FER: variants seen among roughly 807,000 people sequenced by gnomAD.
FER encodes tyrosine-protein kinase Fer.
Under a neutral mutation model 111.0 loss-of-function variants are expected in FER, and 63 were observed. The ratio of observed to expected loss-of-function variants is 0.57; its 90% CI spans 0.46 to 0.70. FER has a LOEUF of 0.70. Ranked by LOEUF, FER falls within the 30% of genes least tolerant of loss-of-function variation. The probability of loss-of-function intolerance (pLI) is 0.00; values close to 1 mark genes in which losing one functional copy is unlikely to be tolerated. For missense variants in FER, 914 were observed against 954.0 expected (o/e 0.96, Z 0.55); for synonymous variants, 327 against 313.9 (o/e 1.04, Z -0.44).
At chr5:109,022,144 A>G (rs983620974) in intron 13 of FER, among the ~76,000 whole-genome samples, 3 of 152,034 alleles carry the variant, frequency 2.0e-5, no homozygotes, top group Non-Finnish European at 4.4e-5. Context: ...CATGCTTTCT[A>G]CCTCAGAGTC....
chr5:109,057,733 T>C (rs1159300349), intron 16 of FER, among the ~76,000 whole-genome samples: 1 of 152,216 alleles, frequency 6.6e-6, no homozygotes, highest in African/African-American at 2.4e-5. Flanking sequence ...ATTTCTCATT[T>C]AAATAACCAT....
intron 3 of FER, among the ~76,000 whole-genome samples, chr5:108,804,910 A>G (rs1757036548): frequency 6.6e-6 from 1 of 150,646 alleles, no homozygotes; most frequent in South Asian, 2.1e-4. Context: ...GTTTCTGTAG[A>G]ATTGGTACTA....
At chr5:108,814,199 C>G (rs933537720) in intron 3 of FER, among the ~76,000 whole-genome samples, 1 of 152,030 alleles carries the variant, frequency 6.6e-6, no homozygotes, top group Admixed American at 6.6e-5. Flanking sequence ...ATCTAGAATA[C>G]GAACATGAGA....
rs575363673 is a variant in FER, at chr5:109,125,944, A to C, written c.2048+25425A>C. 2.6e-5 allele frequency among the ~76,000 whole-genome samples: 4 copies of C among 152,254 alleles called. No individual in the cohort carries two copies. In the East Asian group the frequency reaches 7.7e-4, roughly 29 times the overall value. On this transcript the variant is annotated intron_variant, in intron 17 of 19. Transcript: ENST00000281092. The stretch of plus-strand genomic sequence containing the variant: ...AGAAAGAATGAAACGGTGAAGGCTA[A>C]AACTGCTACATCCACAGATGGCTGA...
chr5:108,822,017 CT>C (rs373451775), intron 3 of FER, among the ~76,000 whole-genome samples: 4 of 152,262 alleles, frequency 2.6e-5, no homozygotes, highest in African/African-American at 7.2e-5. Flanking sequence ...TTCTTCACCC[CT>C]ATCCCCTGGC....
intron 1 of FER, among the ~76,000 whole-genome samples, chr5:108,754,310 G>A (rs79980741): frequency 0.068 from 10,229 of 151,154 alleles, 426 homozygotes; most frequent in South Asian, 0.087. Context: ...AGGTGGCTAA[G>A]GCAGGAGGAT....
At chr5:109,060,287 A>C (rs1774220582) in intron 16 of FER, among the ~76,000 whole-genome samples, 1 of 152,192 alleles carries the variant, frequency 6.6e-6, no homozygotes, top group Non-Finnish European at 1.5e-5. Flanking sequence ...ACTAAGCTTC[A>C]ATATACTTCT....
At chr5:109,135,049 A>G (rs1752745695) in intron 17 of FER, among the ~76,000 whole-genome samples, 1 of 152,216 alleles carries the variant, frequency 6.6e-6, no homozygotes, top group East Asian at 1.9e-4. Context: ...TGACCCAGGT[A>G]AAGAAAGATA....
At chr5:109,009,141 G>A (rs555877562) in intron 13 of FER, among the ~76,000 whole-genome samples, 6 of 140,678 alleles carry the variant, frequency 4.3e-5, no homozygotes, top group South Asian at 4.7e-4. Flanking sequence ...GCCGCCTCCC[G>A]GGTTTAAGCT....
chr5:108,748,118 G>A (rs1750000379), intron 1 of FER, 118 bp downstream of exon 1: 2 of 152,230 alleles, frequency 1.3e-5, no homozygotes, highest in African/African-American at 4.8e-5. Context: ...TGGGAGTACA[G>A]GATTGAAAGA....
intron 5 of FER, among the ~76,000 whole-genome samples, chr5:108,847,696 A>G (rs1015523872): frequency 3.3e-5 from 5 of 152,114 alleles, no homozygotes; most frequent in African/African-American, 1.2e-4. Context: ...TATTATTGGT[A>G]TGTAAGCATT....
intron 17 of FER, among the ~76,000 whole-genome samples, chr5:109,105,463 C>A (rs1405520148): frequency 6.6e-6 from 1 of 151,802 alleles, no homozygotes; most frequent in African/African-American, 2.4e-5. Flanking sequence ...ACCTTCAAAT[C>A]ATTTAAATGG....
At chr5:108,808,219 G>T (rs1040653460) in intron 3 of FER, among the ~76,000 whole-genome samples, 1 of 151,896 alleles carries the variant, frequency 6.6e-6, no homozygotes, top group Non-Finnish European at 1.5e-5. Context: ...TCAGTGGGGT[G>T]TTGTGTGGCT....
At chr5:108,961,644 A>G (rs1759165785) in intron 13 of FER, among the ~76,000 whole-genome samples, 1 of 152,144 alleles carries the variant, frequency 6.6e-6, no homozygotes, top group African/African-American at 2.4e-5. Flanking sequence ...GAAATATGCA[A>G]ATCATTATCT....
chr5:108,921,529 G>A (rs966175731), intron 10 of FER, among the ~76,000 whole-genome samples: 3 of 151,984 alleles, frequency 2.0e-5, no homozygotes, highest in Non-Finnish European at 4.4e-5. Flanking sequence ...CTTAGAACTC[G>A]TATCAACAAG....
At chr5:108,813,633 T>C (rs1222578159) in intron 3 of FER, among the ~76,000 whole-genome samples, 1 of 152,180 alleles carries the variant, frequency 6.6e-6, no homozygotes, top group African/African-American at 2.4e-5. Flanking sequence ...TAATCTTACT[T>C]TTATTCAATG....
intron 14 of FER, among the ~76,000 whole-genome samples, chr5:109,038,847 T>G (rs1353348865): frequency 6.6e-6 from 1 of 152,006 alleles, no homozygotes; most frequent in Non-Finnish European, 1.5e-5. Context: ...GAAAAAAATA[T>G]TTTTAGTTAA....
At chr5:108,853,635 A>G (rs561591588) in intron 5 of FER, among the ~76,000 whole-genome samples, 1 of 152,318 alleles carries the variant, frequency 6.6e-6, no homozygotes, top group African/African-American at 2.4e-5. Flanking sequence ...GCATATTTGA[A>G]GATCAGTACA....
chr5:108,832,386 A>G (rs986226595), intron 3 of FER, among the ~76,000 whole-genome samples: 1 of 152,192 alleles, frequency 6.6e-6, no homozygotes, highest in African/African-American at 2.4e-5. Flanking sequence ...GGATGGGACA[A>G]TGTCTGTTGC....
Sources: allele counts gnomAD v4.1 joint callset (sites outside exome capture counted in the v4.1 genomes callset), GRCh38; gene constraint gnomAD v4.1.1; transcripts MANE v1.5; gene names NCBI Gene and HGNC (gene_info 2026-07-23, HGNC 2026-07-21).